Variants in NAV2 observed in about 807,000 individuals in gnomAD.
The protein encoded by NAV2 is neuron navigator 2, also known as helicase, APC down-regulated 1.
In NAV2, 54 loss-of-function variants were observed where a neutral mutation model predicts 223.2. The ratio of observed to expected loss-of-function variants is 0.24; its 90% CI spans 0.19 to 0.30. NAV2 has a LOEUF of 0.30. NAV2 is among the 10% of genes least tolerant of loss of function. NAV2 has a pLI of 1.00. For missense variants in NAV2, 2,806 were observed against 3,147.5 expected (o/e 0.89, Z 2.60); for synonymous variants, 1,279 against 1,239.3 (o/e 1.03, Z -0.67).
intron 6 of NAV2, among the ~76,000 whole-genome samples, chr11:19,898,292 C>T (rs1220674462): frequency 1.3e-5 from 2 of 152,044 alleles, no homozygotes; most frequent in African/African-American, 4.8e-5. Context: ...GACAAAGAAC[C>T]CTACATAGCC....
intron 1 of NAV2, among the ~76,000 whole-genome samples, chr11:19,672,878 AGGC>A (rs2048609058): frequency 6.6e-6 from 1 of 152,200 alleles, no homozygotes; most frequent in Non-Finnish European, 1.5e-5. Flanking sequence ...TTAAGGAGGC[AGGC>A]AGAGGAACAG....
chr11:20,104,598 C>T (rs932330602), intron 34 of NAV2: 5 of 152,664 alleles, frequency 3.3e-5, no homozygotes, highest in African/African-American at 9.6e-5. Flanking sequence ...CATCGTCCTC[C>T]TCTTTCCCCC....
intron 6 of NAV2, among the ~76,000 whole-genome samples, chr11:19,928,304 C>G (rs1442328859): frequency 1.3e-5 from 2 of 152,136 alleles, no homozygotes; most frequent in Non-Finnish European, 2.9e-5. Context: ...TTATCATTTT[C>G]CAATATGTTT....
chr11:19,438,179 C>T (rs1183762307), intron 1 of NAV2, among the ~76,000 whole-genome samples: 3 of 152,208 alleles, frequency 2.0e-5, no homozygotes, highest in Non-Finnish European at 4.4e-5. Flanking sequence ...CCTGTGGCCT[C>T]ATCGTTGTGC....
At chr11:20,094,715 A>G (rs2061122271) in intron 29 of NAV2, among the ~76,000 whole-genome samples, 1 of 152,178 alleles carries the variant, frequency 6.6e-6, no homozygotes, top group Admixed American at 6.5e-5. Context: ...TCCTCATTAT[A>G]CAATTGAGAA....
chr11:19,533,855 C>T (rs941752557), intron 1 of NAV2, among the ~76,000 whole-genome samples: 8 of 144,692 alleles, frequency 5.5e-5, no homozygotes, highest in Non-Finnish European at 8.8e-5. Context: ...TACAGGCGCC[C>T]GCCACTACGC....
chr11:19,568,793 G>T (rs2045344478), intron 1 of NAV2, among the ~76,000 whole-genome samples: 2 of 152,312 alleles, frequency 1.3e-5, no homozygotes, highest in South Asian at 4.1e-4. Context: ...ATTCACGTTG[G>T]CCACACTCTG....
At chr11:19,676,109 T>C (rs2048704439) in intron 1 of NAV2, among the ~76,000 whole-genome samples, 1 of 152,064 alleles carries the variant, frequency 6.6e-6, no homozygotes, top group Non-Finnish European at 1.5e-5. Context: ...GCATCAGTCT[T>C]CATTCCTCAG....
At chr11:19,842,627 A>G (rs2060571356) in intron 2 of NAV2, among the ~76,000 whole-genome samples, 1 of 152,098 alleles carries the variant, frequency 6.6e-6, no homozygotes, top group Admixed American at 6.5e-5. Flanking sequence ...TCACTCCAAG[A>G]CTGTCATCGA....
At chr11:19,374,126 CCA>C (rs1413057805) in intron 1 of NAV2, among the ~76,000 whole-genome samples, 1 of 152,100 alleles carries the variant, frequency 6.6e-6, no homozygotes, top group Non-Finnish European at 1.5e-5. Context: ...ACACGTATCA[CCA>C]GTCTTGTTTT....
chr11:19,803,375 C>T (rs2058375338), intron 1 of NAV2, among the ~76,000 whole-genome samples: 1 of 152,190 alleles, frequency 6.6e-6, no homozygotes, highest in Non-Finnish European at 1.5e-5. Context: ...GAGAACGCCT[C>T]ACACTGCAGA....
chr11:19,751,353 T>C (rs2053798190), intron 1 of NAV2, among the ~76,000 whole-genome samples: 3 of 152,088 alleles, frequency 2.0e-5, no homozygotes, highest in Admixed American at 1.3e-4. Context: ...CTGGAGATGA[T>C]GAGTAGGAGA....
At chr11:19,859,966 C>T (rs2061620505) in intron 3 of NAV2, among the ~76,000 whole-genome samples, 1 of 133,870 alleles carries the variant, frequency 7.5e-6, no homozygotes, top group Non-Finnish European at 1.6e-5. Flanking sequence ...CCCCTCACCT[C>T]CCGGATGGGG....
chr11:20,019,299 C>T (rs2153528603), intron 11 of NAV2, among the ~76,000 whole-genome samples: 1 of 152,176 alleles, frequency 6.6e-6, no homozygotes, highest in South Asian at 2.1e-4. Context: ...AGGCAAAAGG[C>T]CTTCTTAATG....
At chr11:19,762,171 A>G (rs1429041536) in intron 1 of NAV2, among the ~76,000 whole-genome samples, 3 of 152,200 alleles carry the variant, frequency 2.0e-5, no homozygotes, top group Non-Finnish European at 4.4e-5. Flanking sequence ...GGAACCCGGA[A>G]GGTGGAGGCT....
intron 1 of NAV2, among the ~76,000 whole-genome samples, chr11:19,579,576 C>G (rs532874411): frequency 6.6e-6 from 1 of 152,282 alleles, no homozygotes; most frequent in Non-Finnish European, 1.5e-5. Flanking sequence ...GTTGATTTAC[C>G]TTTCCAAGCC....
Position 19,619,532 on chromosome 11 carries a change from G to A in NAV2, c.76-212952G>A, listed in dbSNP as rs867390083. 1.1e-4 allele frequency among the ~76,000 whole-genome samples: 16 copies of A among 152,202 alleles called. No homozygotes were observed. In the East Asian group the frequency reaches 1.5e-3, roughly 15 times the overall value. ...CCAGTGATGATGAGCATTTTTTCACGTGTCTGTTGGCTGCATAAATGTCTT... is the reference window on the plus strand; with the variant it reads ...CCAGTGATGATGAGCATTTTTTCACATGTCTGTTGGCTGCATAAATGTCTT... On this transcript the variant is annotated intron_variant, in intron 1 of 37. Coordinates refer to the NAV2 transcript ENST00000360655.
intron 1 of NAV2, among the ~76,000 whole-genome samples, chr11:19,468,404 T>A (rs2133913512): frequency 6.6e-6 from 1 of 152,206 alleles, no homozygotes; most frequent in East Asian, 1.9e-4. Context: ...GGGAGGGTCT[T>A]TCCTTGCCTC....
intron 8 of NAV2, among the ~76,000 whole-genome samples, chr11:19,941,891 A>G (rs2046431519): frequency 6.6e-6 from 1 of 152,118 alleles, no homozygotes; most frequent in Non-Finnish European, 1.5e-5. Context: ...CCCAGTTTTC[A>G]TTCTTTTTCA....
Sources: gnomAD v4.1 joint callset for allele counts (sites outside exome capture counted in the v4.1 genomes callset) on GRCh38, gnomAD v4.1.1 for gene constraint, MANE v1.5 for transcripts, NCBI Gene and HGNC (gene_info 2026-07-23, HGNC 2026-07-21) for gene names.